Variants in CACNA2D4 observed in about 807,000 individuals in gnomAD.
The protein encoded by CACNA2D4 is calcium voltage-gated channel auxiliary subunit alpha2delta 4.
CACNA2D4 carries 157 observed loss-of-function variants against 163.8 expected under a neutral mutation model. That is an observed-to-expected ratio of 0.96 (90% CI 0.84 to 1.09). The LOEUF (loss-of-function observed/expected upper bound fraction) is 1.09. Among genes scored for constraint, CACNA2D4 ranks in the 50% least tolerant of loss-of-function variants. The pLI is 0.00. For missense variants in CACNA2D4, 1,410 were observed against 1,479.9 expected, an observed-to-expected ratio of 0.95 and a Z score of 0.78; for synonymous variants, 598 against 586.9, an observed-to-expected ratio of 1.02 and a Z score of -0.27.
chr12:1,816,435 C>G (rs896854860), intron 26 of CACNA2D4, among the ~76,000 whole-genome samples: 1 of 151,796 alleles, frequency 6.6e-6, no homozygotes, highest in Non-Finnish European at 1.5e-5. Flanking sequence ...ATCTCAGACC[C>G]CTTCCTGCCC....
intron 3 of CACNA2D4, among the ~76,000 whole-genome samples, chr12:1,911,187 C>G (rs1369904914): frequency 6.6e-6 from 1 of 151,960 alleles, no homozygotes; most frequent in African/African-American, 2.4e-5. Flanking sequence ...CCATACCCAG[C>G]TAATTTTTGT....
chr12:1,858,690 C>T (rs73047945), intron 19 of CACNA2D4, 46 bp from the exon 20 acceptor site: 486 of 1,492,242 alleles, frequency 3.3e-4, no homozygotes, highest in Non-Finnish European at 3.2e-4. Flanking sequence ...CAGCAGATGC[C>T]GGCCTGTCTC....
At chr12:1,846,795 T>C (rs1865156016) in intron 23 of CACNA2D4, 106 bp from the exon 24 acceptor site, 2 of 915,282 alleles carry the variant, frequency 2.2e-6, no homozygotes, top group African/African-American at 3.3e-5. Context: ...CTGGCCTGGC[T>C]CAGGGAAGAC....
chr12:1,800,245 C>A (rs1863266459), intron 32 of CACNA2D4, 141 bp downstream of exon 32: 3 of 1,011,684 alleles, frequency 3.0e-6, no homozygotes, highest in Non-Finnish European at 4.5e-6. Context: ...GGCGTCCATG[C>A]CCAGGGATTG....
chr12:1,893,350 T>C (rs1447914658), intron 6 of CACNA2D4, among the ~76,000 whole-genome samples: 1 of 152,024 alleles, frequency 6.6e-6, no homozygotes, highest in Non-Finnish European at 1.5e-5. Flanking sequence ...ACCCCATCTC[T>C]ACTAAAAATA....
chr12:1,885,533 C>T (rs1866114886), intron 9 of CACNA2D4, among the ~76,000 whole-genome samples: 1 of 152,200 alleles, frequency 6.6e-6, no homozygotes, highest in African/African-American at 2.4e-5. Flanking sequence ...TGCAAAAGCT[C>T]TCTTTAAAAA....
rs926615554 is a variant in CACNA2D4 at position 1,874,763 on chromosome 12, C to A, written c.1807-88G>T. 1.1e-5 allele frequency: 10 copies of A among 947,442 alleles called. No individual in the cohort carries two copies. Among genetic ancestry groups the A allele is most frequent in the Non-Finnish European group, 1.7e-5 (10 of 584,598 alleles). 58.7% of individuals were successfully genotyped at this position (947,442 alleles called of 1,614,324 possible). On this transcript the variant is annotated intron_variant, in intron 17 of 37. Coordinates refer to ENST00000382722, the MANE Select transcript of CACNA2D4 (RefSeq NM_172364.5). This position sits in a 1 kb window ranked among gnomAD's most constrained non-coding sequence, Gnocchi z 4.4. Reference sequence around the variant, plus strand: ...TTCTTCAGACCAGATTAGAGGTGATCCCCAGAAACACTTTTGGTTCTTCCC... The same window carrying A: ...TTCTTCAGACCAGATTAGAGGTGATACCCAGAAACACTTTTGGTTCTTCCC...
chr12:1,857,245 C>T (rs575248572), intron 20 of CACNA2D4, among the ~76,000 whole-genome samples: 56 of 152,232 alleles, frequency 3.7e-4, no homozygotes, highest in African/African-American at 1.3e-3. Context: ...AGTCCAGGTG[C>T]GGGAGAGGGG....
At chr12:1,911,744 A>G (rs1866824657) in intron 3 of CACNA2D4, among the ~76,000 whole-genome samples, 1 of 152,180 alleles carries the variant, frequency 6.6e-6, no homozygotes, top group Non-Finnish European at 1.5e-5. Flanking sequence ...GGGGTGTCTC[A>G]GGACTGCTCG....
intron 24 of CACNA2D4, among the ~76,000 whole-genome samples, chr12:1,845,223 TG>T (rs1018185278): frequency 5.9e-5 from 9 of 151,966 alleles, no homozygotes; most frequent in Admixed American, 6.6e-5. Context: ...ACCTCGAGTC[TG>T]GGTGAAGGGA....
rs1264821969 is a variant in CACNA2D4 at position 1,828,090 on chromosome 12, G to A, written c.2551+12649C>T. 68 of 1,439,566 alleles carry A rather than the reference G, an allele frequency of 4.7e-5. No homozygotes were observed. The Middle Eastern group carries it at 7.2e-4, about 15-fold the overall frequency. 89.2% of individuals were successfully genotyped at this position (1,439,566 alleles called of 1,614,324 possible). A position where few individuals can be genotyped will look rare whatever the true frequency, so the allele number is the denominator to read the frequency against. ...CCCTCCCTCAGGACTGACAGGCGGC[G>A]CACCCAGGGGCTCCTCTCTCCCCAG... On this transcript the variant is annotated intron_variant, in intron 26 of 37. Transcript: ENST00000382722. The surrounding 1 kb of genome is among the most constrained non-coding windows in gnomAD (Gnocchi z 4.2).
In CACNA2D4 at chr12:1,918,317, G is replaced by A; in HGVS notation, c.157C>T (p.Leu53Phe). Reference protein sequence around the residue: ...AWAFVQKTSALLWLLLLGTSL... With the variant: ...AWAFVQKTSAFLWLLLLGTSL... ...GTGCCTAGAAGCAGCAGCCACAGGA[G>A]GGCCGAGGTCTTCTGCACAAAGGCC... is the stretch of plus-strand genomic sequence containing the variant. Residue 53 changes from leucine to phenylalanine, a missense_variant, in exon 1 of 38, where the codon CTC (leucine) becomes TTC (phenylalanine). Physicochemically the swap from Leu to Phe is conservative, Grantham distance 22. Transcript: ENST00000382722. The A allele has an allele frequency of 1.9e-6, 3 of 1,610,114 alleles. No homozygotes were observed. The highest frequency in any genetic ancestry group is 2.5e-6 in the Non-Finnish European group (3 of 1,178,158).
chr12:1,862,564 C>A (rs1000914228), intron 18 of CACNA2D4, among the ~76,000 whole-genome samples: 4 of 152,118 alleles, frequency 2.6e-5, no homozygotes, highest in Non-Finnish European at 5.9e-5. Context: ...AGGCACACAC[C>A]ACCATGCCCA....
Position 1,800,055 on chromosome 12 carries a change from G to A in CACNA2D4, c.2922-3C>T, listed in dbSNP as rs1863259851. 1 of 1,598,050 alleles carries A rather than the reference G, an allele frequency of 6.3e-7. No individual in the cohort carries two copies. The highest frequency in any genetic ancestry group is 8.5e-7 in the Non-Finnish European group (1 of 1,172,478). On this transcript the variant is annotated splice_region_variant and splice_polypyrimidine_tract_variant and intron_variant, in intron 32 of 37. Coordinates refer to ENST00000382722, the MANE Select transcript of CACNA2D4 (RefSeq NM_172364.5). ...AGACACTCCACTCCAGCAGGAACCT[G>A]TCAGACACAGGACTGAATCTCGGAG...
intron 6 of CACNA2D4, among the ~76,000 whole-genome samples, chr12:1,905,202 A>T (rs1464779259): frequency 6.6e-6 from 1 of 152,132 alleles, no homozygotes; most frequent in East Asian, 1.9e-4. Flanking sequence ...AACTAGCAAT[A>T]GAATGAAACT....
chr12:1,856,411 C>T (rs1299998221), intron 20 of CACNA2D4, among the ~76,000 whole-genome samples, 182 bp from the exon 21 acceptor site: 2 of 152,226 alleles, frequency 1.3e-5, no homozygotes, highest in Non-Finnish European at 2.9e-5. Flanking sequence ...TCCTGAAATG[C>T]TTTCTTCTCA....
chr12:1,866,088 T>C (rs1865646232), intron 18 of CACNA2D4, among the ~76,000 whole-genome samples: 1 of 152,234 alleles, frequency 6.6e-6, no homozygotes, highest in Non-Finnish European at 1.5e-5. Flanking sequence ...TGCCTTGTTC[T>C]CAATTTTAGG....
intron 29 of CACNA2D4, among the ~76,000 whole-genome samples, chr12:1,805,644 T>TG (rs1163880363): frequency 1.3e-5 from 2 of 151,182 alleles, no homozygotes; most frequent in Non-Finnish European, 2.9e-5. Context: ...GGGGTGGGGG[T>TG]GGGGCAGCAC....
chr12:1,913,030 G>C lies in CACNA2D4; in HGVS notation c.419C>G (p.Ala140Gly), dbSNP rs202054008. 9.9e-4 allele frequency: 1,595 copies of C among 1,609,806 alleles called. 31 individuals are homozygous for C. In the South Asian group the frequency reaches 0.014, roughly 15 times the overall value. ...MENMLRRKVE[A>G]VQNLVEAAEE... ...ATCACAGGCCTGGAGTACCTGGACC[G>C]CCTCGACTTTCCTCCGCAGCATGTT... is the stretch of plus-strand genomic sequence containing the variant. The change falls in exon 3 of 38, where the codon GCG becomes GGG. Residue 140 changes from alanine (A) to glycine (G), a missense_variant. Ala to Gly is a moderately conservative substitution (Grantham distance 60, BLOSUM62 0). Transcript: ENST00000382722.
Sources: gnomAD v4.1 joint callset for allele counts (sites outside exome capture counted in the v4.1 genomes callset) on GRCh38, gnomAD v4.1.1 for gene constraint, Gnocchi (gnomAD v3.1) non-coding constraint, MANE v1.5 for transcripts, NCBI Gene and HGNC (gene_info 2026-07-23, HGNC 2026-07-21) for gene names.